Variants in RBFOX1 observed in about 807,000 individuals in gnomAD.
The protein encoded by RBFOX1 is RNA binding fox-1 homolog 1, also known as RNA binding protein fox-1 homolog 1.
RBFOX1 carries 8 observed loss-of-function variants against 57.7 expected under a neutral mutation model. The ratio of observed to expected loss-of-function variants is 0.14; its 90% confidence interval spans 0.08 to 0.25. RBFOX1 has a LOEUF of 0.25. Among genes scored for constraint, RBFOX1 ranks in the 10% least tolerant of loss-of-function variants. RBFOX1 has a pLI of 1.00. For missense variants in RBFOX1, 611 were observed against 548.5 expected (o/e 1.11, Z -1.14); for synonymous variants, 326 against 222.4 (o/e 1.47, Z -4.15).
At chr16:6,251,659 A>G (rs918379405) in intron 1 of RBFOX1, among the ~76,000 whole-genome samples, 1 of 152,154 alleles carries the variant, frequency 6.6e-6, no homozygotes, top group African/African-American at 2.4e-5. Flanking sequence ...TGCTCGAAGC[A>G]CAGAGTTTGG....
At chr16:5,458,017 G>A (rs768625531) in intron 1 of RBFOX1, among the ~76,000 whole-genome samples, 21 of 152,144 alleles carry the variant, frequency 1.4e-4, no homozygotes, top group Non-Finnish European at 2.2e-4. Context: ...TTGCTGTCTT[G>A]GGGGTAGAAA....
At chr16:6,858,749 A>G (rs971453798) in intron 3 of RBFOX1, among the ~76,000 whole-genome samples, 3 of 152,110 alleles carry the variant, frequency 2.0e-5, no homozygotes, top group Admixed American at 1.3e-4. Context: ...GTATACCAAA[A>G]ACACATCTTT....
chr16:6,728,287 C>T (rs369298989), intron 3 of RBFOX1, among the ~76,000 whole-genome samples: 1 of 152,110 alleles, frequency 6.6e-6, no homozygotes, highest in African/African-American at 2.4e-5. Context: ...TGGGGAAATA[C>T]AAGGTTGCAG....
chr16:5,612,420 C>T (rs965168480), intron 3 of RBFOX1, among the ~76,000 whole-genome samples: 1 of 152,058 alleles, frequency 6.6e-6, no homozygotes, highest in Non-Finnish European at 1.5e-5. Context: ...CAAGCCAAGA[C>T]ACACTAGGAC....
chr16:6,775,272 G>A (rs537824649), intron 3 of RBFOX1, among the ~76,000 whole-genome samples: 2 of 146,438 alleles, frequency 1.4e-5, no homozygotes, highest in East Asian at 2.0e-4. Context: ...CGAGCTTGCA[G>A]TGAGCTGAGA....
chr16:7,016,225 C>T (rs1316056149), intron 3 of RBFOX1, among the ~76,000 whole-genome samples: 1 of 152,008 alleles, frequency 6.6e-6, no homozygotes, highest in East Asian at 1.9e-4. Context: ...AACATGTATC[C>T]CCAAGTAATT....
At position 5,703,071 on chromosome 16, in the gene RBFOX1, C is replaced by T. The variant is rs544978492; in HGVS notation, c.318+104110C>T. Among the ~76,000 whole-genome samples, 47 of 152,172 alleles carry T rather than the reference C, an allele frequency of 3.1e-4. No individual in the cohort carries two copies. In the South Asian group the frequency reaches 9.5e-3, roughly 31 times the overall value. ...TGTGTGCTGGAGTTGATGGTAGGCA[C>T]TAAGAAGATGATGATGAAAAAGATG... On this transcript the variant is annotated intron_variant, in intron 3 of 19. Transcript: ENST00000641259.
intron 2 of RBFOX1, among the ~76,000 whole-genome samples, chr16:6,416,482 CT>C (rs1191993802): frequency 1.3e-5 from 2 of 152,070 alleles, no homozygotes; most frequent in Non-Finnish European, 1.5e-5. Context: ...TTGTCTTGTT[CT>C]TTTTTTCGTT....
At chr16:5,545,232 C>T (rs944643287) in intron 2 of RBFOX1, among the ~76,000 whole-genome samples, 2 of 152,144 alleles carry the variant, frequency 1.3e-5, no homozygotes, top group Non-Finnish European at 2.9e-5. Context: ...ACCGCCTTGG[C>T]CTCCCAAAGT....
chr16:6,985,014 G>C (rs529030466), intron 3 of RBFOX1, among the ~76,000 whole-genome samples: 2 of 149,556 alleles, frequency 1.3e-5, no homozygotes, highest in East Asian at 4.0e-4. Flanking sequence ...AACCCAGGGG[G>C]AAATATCCTG....
At chr16:5,917,316 C>T (rs958560946) in intron 4 of RBFOX1, among the ~76,000 whole-genome samples, 1 of 152,096 alleles carries the variant, frequency 6.6e-6, no homozygotes. Context: ...TCAGTAAGTC[C>T]ATTAAGCGCC....
At chr16:5,559,444 A>G (rs753524240) in intron 2 of RBFOX1, among the ~76,000 whole-genome samples, 10 of 152,178 alleles carry the variant, frequency 6.6e-5, no homozygotes, top group Non-Finnish European at 7.3e-5. Flanking sequence ...ACTTATTTAC[A>G]TACTGTCAAA....
chr16:6,244,454 G>C (rs2097557859), intron 1 of RBFOX1, among the ~76,000 whole-genome samples: 1 of 152,128 alleles, frequency 6.6e-6, no homozygotes. Context: ...GCAACATCTA[G>C]CAGGTTTTAC....
intron 1 of RBFOX1, among the ~76,000 whole-genome samples, chr16:5,287,130 C>G (rs915524453): frequency 1.3e-5 from 2 of 152,184 alleles, no homozygotes; most frequent in Middle Eastern, 3.4e-3. Context: ...TATAGTGAGA[C>G]CCTGTCTCTG....
At chr16:6,733,573 C>A (rs997229358) in intron 3 of RBFOX1, among the ~76,000 whole-genome samples, 1 of 152,042 alleles carries the variant, frequency 6.6e-6, no homozygotes, top group Non-Finnish European at 1.5e-5. Context: ...ATGGTTGTAG[C>A]CTGCAGTAGT....
intron 14 of RBFOX1, among the ~76,000 whole-genome samples, chr16:7,687,118 C>A (rs1376015597): frequency 6.6e-6 from 1 of 152,032 alleles, no homozygotes; most frequent in African/African-American, 2.4e-5. Context: ...TTTCTATAAT[C>A]AATCTGTTTG....
chr16:5,983,394 T>A (rs1365984467), intron 4 of RBFOX1, among the ~76,000 whole-genome samples: 1 of 152,210 alleles, frequency 6.6e-6, no homozygotes, highest in Non-Finnish European at 1.5e-5. Context: ...GTTTTGTCAC[T>A]GAATAGTGCT....
intron 2 of RBFOX1, among the ~76,000 whole-genome samples, chr16:5,597,907 G>A (rs539677464): frequency 4.7e-4 from 72 of 152,300 alleles, no homozygotes; most frequent in African/African-American, 1.6e-3. Context: ...GGACAAATCC[G>A]TCAGCCTCTC....
intron 3 of RBFOX1, among the ~76,000 whole-genome samples, chr16:5,663,712 C>T (rs974011103): frequency 2.0e-5 from 3 of 152,220 alleles, no homozygotes; most frequent in African/African-American, 7.2e-5. Flanking sequence ...GTAGAGCGCC[C>T]TGCTGCCAGT....
Sources: allele counts gnomAD v4.1 joint callset (sites outside exome capture counted in the v4.1 genomes callset), GRCh38; gene constraint gnomAD v4.1.1; transcripts MANE v1.5; gene names NCBI Gene and HGNC (gene_info 2026-07-23, HGNC 2026-07-21).